The following LHFPL6 variants were observed in gnomAD, a reference collection of about 807,000 sequenced individuals.
LHFPL6 encodes LHFPL tetraspan subfamily member 6 protein.
Under a neutral mutation model 20.6 loss-of-function variants are expected in LHFPL6, and 9 were observed. That is an observed-to-expected ratio of 0.44 (90% CI 0.26 to 0.76). The LOEUF is 0.76. Among genes scored for constraint, LHFPL6 ranks in the 30% least tolerant of loss-of-function variants. The pLI is 0.20. For missense variants in LHFPL6, 218 were observed against 253.5 expected (o/e 0.86, Z 0.95); for synonymous variants, 105 against 98.7 (o/e 1.06, Z -0.38).
intron 2 of LHFPL6, among the ~76,000 whole-genome samples, chr13:39,598,009 C>A (rs1872819164): frequency 6.6e-6 from 1 of 152,186 alleles, no homozygotes; most frequent in Non-Finnish European, 1.5e-5. Context: ...TTTGGAGCAG[C>A]CTAACTTTAG....
intron 2 of LHFPL6, among the ~76,000 whole-genome samples, chr13:39,568,522 AC>A (rs1225423921): frequency 6.6e-6 from 1 of 152,234 alleles, no homozygotes; most frequent in African/African-American, 2.4e-5. Context: ...AAATAAAAAA[AC>A]CTAACCCAAA....
intron 2 of LHFPL6, among the ~76,000 whole-genome samples, chr13:39,512,596 C>T (rs1385524816): frequency 4.1e-5 from 3 of 73,758 alleles, no homozygotes; most frequent in Non-Finnish European, 7.3e-5. Flanking sequence ...AGCGAGCCTC[C>T]GTCTCAAAAA....
intron 2 of LHFPL6, among the ~76,000 whole-genome samples, chr13:39,413,636 G>A (rs1299260560): frequency 1.4e-5 from 2 of 147,024 alleles, no homozygotes; most frequent in East Asian, 2.0e-4. Context: ...TTTCTGTTGT[G>A]TTGCTGTCTT....
intron 2 of LHFPL6, among the ~76,000 whole-genome samples, chr13:39,461,411 A>G (rs59403463): frequency 0.093 from 14,232 of 152,218 alleles, 1,266 homozygotes; most frequent in East Asian, 0.51. Flanking sequence ...AGAAATCTCC[A>G]AACTGCTTTC....
chr13:39,363,900 G>A (rs1437535924), intron 3 of LHFPL6, among the ~76,000 whole-genome samples: 1 of 152,040 alleles, frequency 6.6e-6, no homozygotes, highest in East Asian at 1.9e-4. Context: ...ATACACATTG[G>A]GACATATATT....
intron 2 of LHFPL6, among the ~76,000 whole-genome samples, chr13:39,529,218 A>G (rs1870385373): frequency 6.6e-6 from 1 of 151,876 alleles, no homozygotes; most frequent in Non-Finnish European, 1.5e-5. Context: ...CAGTCTTCTG[A>G]GTAGCTGGGA....
intron 2 of LHFPL6, among the ~76,000 whole-genome samples, chr13:39,400,152 G>C (rs1870949079): frequency 6.6e-6 from 1 of 152,120 alleles, no homozygotes; most frequent in Non-Finnish European, 1.5e-5. Context: ...CAAGAAAGCA[G>C]GCCTAAGTAA....
intron 3 of LHFPL6, among the ~76,000 whole-genome samples, chr13:39,362,910 G>A (rs74044039): frequency 0.015 from 2,347 of 152,328 alleles, 60 homozygotes; most frequent in African/African-American, 0.054. Flanking sequence ...AAGGAACAGA[G>A]TGTCATCCAT....
At chr13:39,478,082 A>G (rs924705140) in intron 2 of LHFPL6, among the ~76,000 whole-genome samples, 2 of 152,232 alleles carry the variant, frequency 1.3e-5, no homozygotes, top group Non-Finnish European at 2.9e-5. Flanking sequence ...TCTCATTTAC[A>G]AAATCAAGCT....
intron 2 of LHFPL6, among the ~76,000 whole-genome samples, chr13:39,519,020 G>A (rs1870019045): frequency 6.6e-6 from 1 of 152,168 alleles, no homozygotes; most frequent in African/African-American, 2.4e-5. Context: ...TAGATCACTT[G>A]AGGTCAGGAG....
intron 2 of LHFPL6, among the ~76,000 whole-genome samples, chr13:39,563,129 C>CACACAG (rs1230197586): frequency 7.6e-6 from 1 of 131,176 alleles, no homozygotes; most frequent in Non-Finnish European, 1.6e-5. Flanking sequence ...CACACACACA[C>CACACAG]ACACACACAC....
intron 2 of LHFPL6, among the ~76,000 whole-genome samples, chr13:39,457,747 T>C (rs79033274): frequency 0.031 from 4,724 of 152,264 alleles, 101 homozygotes; most frequent in South Asian, 0.054. Context: ...GGCTAAACAA[T>C]TGAATAGCCA....
intron 2 of LHFPL6, among the ~76,000 whole-genome samples, chr13:39,410,900 C>T (rs1871229058): frequency 6.6e-6 from 1 of 152,208 alleles, no homozygotes; most frequent in Non-Finnish European, 1.5e-5. Context: ...TTCCTGATCA[C>T]ACAACTGCTT....
chr13:39,461,663 GA>G (rs554603732), intron 2 of LHFPL6, among the ~76,000 whole-genome samples: 2 of 149,574 alleles, frequency 1.3e-5, no homozygotes, highest in African/African-American at 2.5e-5. Flanking sequence ...TGCCCAAAAG[GA>G]AAAAAAAACA....
intron 2 of LHFPL6, among the ~76,000 whole-genome samples, chr13:39,584,360 C>T (rs1412562742): frequency 6.6e-6 from 1 of 151,924 alleles, no homozygotes; most frequent in Non-Finnish European, 1.5e-5. Flanking sequence ...AACCCCGTCT[C>T]TACCAAAAAT....
chr13:39,378,095 A>G (rs531474611), intron 3 of LHFPL6, among the ~76,000 whole-genome samples: 8 of 152,216 alleles, frequency 5.3e-5, no homozygotes, highest in Non-Finnish European at 1.0e-4. Flanking sequence ...ACCTCTTCTC[A>G]GACTGCAAAT....
At chr13:39,364,823 C>A (rs563158830) in intron 3 of LHFPL6, among the ~76,000 whole-genome samples, 2 of 152,218 alleles carry the variant, frequency 1.3e-5, no homozygotes, top group Non-Finnish European at 2.9e-5. Context: ...AATGGTTTAC[C>A]CTTTGTCTTG....
At chr13:39,590,014 T>C (rs946254251) in intron 2 of LHFPL6, among the ~76,000 whole-genome samples, 3 of 152,208 alleles carry the variant, frequency 2.0e-5, no homozygotes, top group African/African-American at 4.8e-5. Flanking sequence ...GACTTATTCA[T>C]GGTGAACAAA....
chr13:39,454,505 T>TGTA (rs1382449353), intron 2 of LHFPL6, among the ~76,000 whole-genome samples: 1 of 85,030 alleles, frequency 1.2e-5, no homozygotes, highest in Admixed American at 1.1e-4. Context: ...GGCGGGCGCC[T>TGTA]GTAGTCCCAG....
Sources: gnomAD v4.1 joint callset for allele counts (sites outside exome capture counted in the v4.1 genomes callset) on GRCh38, gnomAD v4.1.1 for gene constraint, MANE v1.5 for transcripts, NCBI Gene and HGNC (gene_info 2026-07-23, HGNC 2026-07-21) for gene names.